The following AKAP9 variants were observed in gnomAD, a reference collection of about 807,000 sequenced individuals.
AKAP9 encodes the protein A-kinase anchoring protein 9, also known as A-kinase anchor protein 9.
AKAP9 carries 311 observed loss-of-function variants against 488.5 expected under a neutral mutation model. That is an observed-to-expected ratio of 0.64 (90% CI 0.58 to 0.70). AKAP9 has a LOEUF of 0.70. Ranked by LOEUF, AKAP9 falls within the 30% of genes least tolerant of loss-of-function variation. The probability of loss-of-function intolerance (pLI) is 0.00; values close to 1 mark genes in which losing one functional copy is unlikely to be tolerated. For missense variants in AKAP9, 4,215 were observed against 4,374.5 expected (o/e 0.96, Z 1.03); for synonymous variants, 1,462 against 1,483.5 (o/e 0.99, Z 0.33).
intron 22 of AKAP9, among the ~76,000 whole-genome samples, chr7:92,054,331 T>C (rs1023721339): frequency 3.9e-5 from 6 of 152,150 alleles, no homozygotes; most frequent in Non-Finnish European, 7.4e-5. Context: ...TTTATAATAG[T>C]ATACTTCCCT....
rs1401370368 is a variant in AKAP9, at chr7:91,951,271, T to TTCTTTCTCTATCTCACTC, written c.48+10134_48+10151dup. 3.1e-4 allele frequency among the ~76,000 whole-genome samples: 47 copies of TTCTTTCTCTATCTCACTC among 152,170 alleles called. 1 individual carries two copies. The South Asian group carries it at 7.9e-3, about 26-fold the overall frequency. Reference sequence around the variant, plus strand: ...TTTAATGTTCTAAGCTTTCTCTTCTTTCTTTCTCTATCTCACTCTCTTTCT... The same window carrying TTCTTTCTCTATCTCACTC: ...TTTAATGTTCTAAGCTTTCTCTTCTTTCTTTCTCTATCTCACTCTCTTTCTCTATCTCACTCTCTTTCT... On this transcript the variant is annotated intron_variant, in intron 1 of 49. Transcript: ENST00000356239.
At chr7:91,944,668 T>G (rs1791208709) in intron 1 of AKAP9, among the ~76,000 whole-genome samples, 1 of 152,198 alleles carries the variant, frequency 6.6e-6, no homozygotes, top group Non-Finnish European at 1.5e-5. Context: ...ATTACAGGCA[T>G]GAGCCACTGC....
rs966273502 is a variant in AKAP9, at chr7:92,023,009, G to A, written c.4148G>A (p.Ser1383Asn). 1.2e-6 allele frequency: 2 copies of A among 1,612,866 alleles called. No individual in the cohort carries two copies. The highest frequency in any genetic ancestry group is 1.7e-6 in the Non-Finnish European group (2 of 1,178,928). The change falls in exon 14 of 50, where the codon AGC becomes AAC. Residue 1383 changes from serine (S) to asparagine (N), a missense_variant and splice_region_variant. By Grantham distance (46) the Ser-to-Asn change is conservative (BLOSUM62 1). Around this residue, in one of 5 missense-constraint regions of AKAP9, gnomAD observed 2,361 missense variants for 2,430.0 expected, o/e 0.97. Coordinates refer to ENST00000356239, the MANE Select transcript of AKAP9 (RefSeq NM_005751.5). The part of the protein sequence containing the change: ...QAVSESTVPP[S>N]LPVDSVVITE... Reference sequence around the variant, plus strand: ...GTTAGTGAGTCCACGGTTCCGCCAAGGTATTCATCTGCTTATAGCTTCATT... The same window carrying A: ...GTTAGTGAGTCCACGGTTCCGCCAAAGTATTCATCTGCTTATAGCTTCATT...
intron 1 of AKAP9, among the ~76,000 whole-genome samples, chr7:91,959,462 TAA>T (rs10573086): frequency 0.4 from 59,710 of 147,492 alleles, 12,149 homozygotes; most frequent in African/African-American, 0.46. Context: ...CTGGCTAATT[TAA>T]AAAAAAAAAA....
chr7:92,087,437 C>T (rs957367215), intron 37 of AKAP9, among the ~76,000 whole-genome samples: 1 of 152,030 alleles, frequency 6.6e-6, no homozygotes, highest in Non-Finnish European at 1.5e-5. Flanking sequence ...TGAGAGTAAA[C>T]TTAAACACTT....
chr7:92,080,167 T>A lies in AKAP9; in HGVS notation c.8019+15T>A, dbSNP rs769167749. On this transcript the variant is annotated intron_variant, in intron 31 of 49. Transcript: ENST00000356239. ...AAGTTCTCAAGGTTAGTTTTGTATT[T>A]TATTAGTTTCATTTAAATACCCCAA... is the stretch of plus-strand genomic sequence containing the variant. 3.9e-6 allele frequency: 6 copies of A among 1,544,780 alleles called. No homozygotes were observed. The highest frequency in any genetic ancestry group is 5.2e-6 in the Non-Finnish European group (6 of 1,147,836).
rs865898194 is a variant in AKAP9 at position 92,028,608 on chromosome 7, A to G, written c.4149-1287A>G. ...ACAGCAGGAAAAACCTAAACGGCCAATAACATTTGAAAGAAAATGTCTTCT... is the reference window on the plus strand; with the variant it reads ...ACAGCAGGAAAAACCTAAACGGCCAGTAACATTTGAAAGAAAATGTCTTCT... On this transcript the variant is annotated intron_variant, in intron 14 of 49. Transcript: ENST00000356239. 2.4e-4 allele frequency among the ~76,000 whole-genome samples: 36 copies of G among 152,366 alleles called. 1 individual carries two copies. In the South Asian group the frequency reaches 2.5e-3, roughly 11 times the overall value.
At chr7:92,011,363 A>G (rs1197235382) in intron 8 of AKAP9, among the ~76,000 whole-genome samples, 1 of 152,234 alleles carries the variant, frequency 6.6e-6, no homozygotes, top group Non-Finnish European at 1.5e-5. Context: ...ATTATAAAAC[A>G]CTGAAGCATG....
At chr7:91,957,510 G>A (rs73403725) in intron 1 of AKAP9, among the ~76,000 whole-genome samples, 5,314 of 152,176 alleles carry the variant, frequency 0.035, 272 homozygotes, top group African/African-American at 0.12. Flanking sequence ...ACCACTATAT[G>A]TATTTAGTAG....
intron 1 of AKAP9, among the ~76,000 whole-genome samples, chr7:91,958,376 C>T (rs1410107918): frequency 6.6e-6 from 1 of 152,048 alleles, no homozygotes; most frequent in Non-Finnish European, 1.5e-5. Flanking sequence ...ATAAACTGTG[C>T]AGTGTTATTT....
intron 33 of AKAP9, 79 bp downstream of exon 33, chr7:92,083,734 A>G: frequency 6.7e-7 from 1 of 1,497,604 alleles, no homozygotes; most frequent in Non-Finnish European, 9.0e-7. Context: ...TTCATTTTGT[A>G]GATGACAAAC....
intron 12 of AKAP9, among the ~76,000 whole-genome samples, chr7:92,021,250 C>G (rs1186711452): frequency 6.6e-6 from 1 of 152,140 alleles, no homozygotes; most frequent in East Asian, 1.9e-4. Context: ...TTTAGCCGTT[C>G]TCTAATTGTT....
intron 21 of AKAP9, among the ~76,000 whole-genome samples, chr7:92,048,855 G>A (rs1017329097): frequency 3.0e-4 from 45 of 150,948 alleles, no homozygotes; most frequent in African/African-American, 9.8e-4. Flanking sequence ...GCAGTGAGCC[G>A]AGATCACACC....
chr7:91,999,473 G>A (rs1166370928), intron 7 of AKAP9, among the ~76,000 whole-genome samples: 1 of 152,170 alleles, frequency 6.6e-6, no homozygotes, highest in Non-Finnish European at 1.5e-5. Context: ...TTTACAATGA[G>A]AAATCATTAT....
intron 1 of AKAP9, among the ~76,000 whole-genome samples, chr7:91,947,724 T>G (rs899277339): frequency 6.6e-6 from 1 of 152,260 alleles, no homozygotes; most frequent in African/African-American, 2.4e-5. Context: ...ACAGGTGTTT[T>G]GAAGGATAAA....
At chr7:91,984,222 G>A (rs972798664) in intron 3 of AKAP9, among the ~76,000 whole-genome samples, 1 of 152,072 alleles carries the variant, frequency 6.6e-6, no homozygotes, top group African/African-American at 2.4e-5. Context: ...TGACCTAAAG[G>A]TTATTGCCTA....
chr7:92,110,358 A>G lies in AKAP9; in HGVS notation c.*199A>G, dbSNP rs938488161. On this transcript the variant is annotated 3_prime_UTR_variant, in exon 50 of 50. Coordinates refer to ENST00000356239, the MANE Select transcript of AKAP9 (RefSeq NM_005751.5). ...AGCATTGTGTATGTATTCATGCACA[A>G]TAATTATTGAATTACCTGTATATTT... 3 of 563,468 alleles carry G rather than the reference A, an allele frequency of 5.3e-6. No homozygotes were observed. In the African/African-American group the frequency reaches 5.7e-5, roughly 11 times the overall value. 34.9% of individuals were successfully genotyped at this position (563,468 alleles called of 1,614,324 possible).
At chr7:92,101,500 T>C (rs1242883278) in intron 45 of AKAP9, among the ~76,000 whole-genome samples, 1 of 152,128 alleles carries the variant, frequency 6.6e-6, no homozygotes, top group South Asian at 2.1e-4. Context: ...ATTCAGTCTT[T>C]GTCATGAATG....
intron 1 of AKAP9, among the ~76,000 whole-genome samples, chr7:91,946,807 T>G (rs548859935): frequency 1.0e-3 from 157 of 152,262 alleles, no homozygotes; most frequent in African/African-American, 3.7e-3. Flanking sequence ...GTAGGATACA[T>G]CCAAGTGATT....
Sources: gnomAD v4.1 joint callset for allele counts (sites outside exome capture counted in the v4.1 genomes callset) on GRCh38, gnomAD v4.1.1 for gene constraint, gnomAD v4.1.1 regional missense constraint, MANE v1.5 for transcripts, NCBI Gene and HGNC (gene_info 2026-07-23, HGNC 2026-07-21) for gene names.